Variants in PDE10A observed in about 807,000 individuals in gnomAD.
PDE10A encodes the protein cAMP and cAMP-inhibited cGMP 3',5'-cyclic phosphodiesterase 10A.
Under a neutral mutation model 97.7 loss-of-function variants are expected in PDE10A, and 39 were observed. That is an observed-to-expected ratio of 0.40 (90% CI 0.31 to 0.52). PDE10A has a LOEUF of 0.52. Among genes scored for constraint, PDE10A ranks in the 20% least tolerant of loss-of-function variants. The probability of loss-of-function intolerance (pLI) is 0.56; values close to 1 mark genes in which losing one functional copy is unlikely to be tolerated. For synonymous variants in PDE10A, 371 were observed against 376.8 expected (o/e 0.98, Z 0.18); for missense variants, 731 against 1,047.8 (o/e 0.70, Z 4.17).
In PDE10A at chr6:165,764,669, G is replaced by A. The variant is rs144297643; in HGVS notation, c.-614-221101C>T. The stretch of plus-strand genomic sequence containing the variant: ...TCTGGAGTTGTTCCTTCCTCCTGGC[G>A]GGCTTATAGTCCCACCGGCTCAGGA... On this transcript the variant is annotated intron_variant, in intron 1 of 19. Transcript: ENST00000366882. 3.0e-3 allele frequency among the ~76,000 whole-genome samples: 462 copies of A among 152,230 alleles called. 3 individuals carry two copies. The highest frequency in any genetic ancestry group is 0.011 in the African/African-American group (440 of 41,518).
At chr6:165,859,203 C>A (rs1232744377) in intron 1 of PDE10A, among the ~76,000 whole-genome samples, 1 of 152,188 alleles carries the variant, frequency 6.6e-6, no homozygotes, top group East Asian at 1.9e-4. Flanking sequence ...GAAACTCACG[C>A]CAGGATGAAG....
intron 1 of PDE10A, among the ~76,000 whole-genome samples, chr6:165,844,941 C>T (rs1780369770): frequency 6.6e-6 from 1 of 152,170 alleles, no homozygotes. Flanking sequence ...AACCCTTGGA[C>T]ACACTTTTTG....
intron 1 of PDE10A, among the ~76,000 whole-genome samples, chr6:165,550,039 C>T (rs1783935857): frequency 1.3e-5 from 2 of 152,048 alleles, no homozygotes; most frequent in African/African-American, 4.8e-5. Context: ...CCAGTATATC[C>T]TTCCTCCTCT....
At chr6:165,699,968 A>G (rs1791529726) in intron 1 of PDE10A, among the ~76,000 whole-genome samples, 2 of 152,292 alleles carry the variant, frequency 1.3e-5, no homozygotes, top group Middle Eastern at 6.8e-3. Flanking sequence ...AAAAAGAAGG[A>G]AATTATAGAG....
chr6:165,548,502 T>C (rs1199392723), intron 1 of PDE10A, among the ~76,000 whole-genome samples: 1 of 152,188 alleles, frequency 6.6e-6, no homozygotes, highest in Non-Finnish European at 1.5e-5. Flanking sequence ...TTTCTGACTT[T>C]ATCCCTGTGG....
rs576286999 is a variant in PDE10A, at chr6:165,470,110, C to A, written c.1023+12205G>T. ...AAATACAAAAGGCTTATTTGGCTCA[C>A]GGATCTGCTGGTGAGGGCTTCAGGC... On this transcript the variant is annotated intron_variant, in intron 3 of 21. Transcript: ENST00000539869. 2.0e-5 allele frequency among the ~76,000 whole-genome samples: 3 copies of A among 152,154 alleles called. No homozygotes were observed. In the East Asian group the frequency reaches 5.8e-4, roughly 29 times the overall value.
At chr6:165,590,335 C>T (rs1786176014) in intron 1 of PDE10A, among the ~76,000 whole-genome samples, 1 of 152,170 alleles carries the variant, frequency 6.6e-6, no homozygotes, top group Non-Finnish European at 1.5e-5. Context: ...AATAGCTGGC[C>T]ACACAGCTAG....
intron 1 of PDE10A, among the ~76,000 whole-genome samples, chr6:165,554,898 A>C (rs1337806110): frequency 1.3e-5 from 2 of 152,244 alleles, no homozygotes; most frequent in Non-Finnish European, 2.9e-5. Flanking sequence ...CATTATGTTA[A>C]GTAAAATAAG....
intron 1 of PDE10A, among the ~76,000 whole-genome samples, chr6:165,875,178 G>A (rs561978772): frequency 1.3e-5 from 2 of 152,246 alleles, no homozygotes; most frequent in African/African-American, 4.8e-5. Flanking sequence ...CCCCCAGAGA[G>A]TTGGTTTAGG....
At chr6:165,563,632 G>A (rs1363285593) in intron 1 of PDE10A, among the ~76,000 whole-genome samples, 2 of 152,154 alleles carry the variant, frequency 1.3e-5, no homozygotes, top group Non-Finnish European at 2.9e-5. Flanking sequence ...GCTCACATCT[G>A]TAATCCCAGC....
At chr6:165,690,636 C>T (rs966084390) in intron 1 of PDE10A, among the ~76,000 whole-genome samples, 1 of 152,190 alleles carries the variant, frequency 6.6e-6, no homozygotes, top group East Asian at 1.9e-4. Flanking sequence ...CCTCCTCTCC[C>T]ACACCTGCAG....
chr6:165,612,812 C>T (rs1787559829), intron 1 of PDE10A, among the ~76,000 whole-genome samples: 1 of 152,212 alleles, frequency 6.6e-6, no homozygotes, highest in Admixed American at 6.5e-5. Flanking sequence ...CGTCTCACCA[C>T]ATATCTTTCT....
chr6:165,602,411 G>C (rs542605679), intron 1 of PDE10A, among the ~76,000 whole-genome samples: 27 of 152,264 alleles, frequency 1.8e-4, no homozygotes, highest in African/African-American at 6.3e-4. Context: ...TTCGATTCTA[G>C]AGAAAGAAAT....
chr6:165,940,416 TCAAC>T (rs1783474579), intron 1 of PDE10A: 1 of 152,180 alleles, frequency 6.6e-6, no homozygotes, highest in Admixed American at 6.5e-5. Flanking sequence ...TCAAGGAAAA[TCAAC>T]CAAGACTGTT....
At chr6:165,863,330 T>C (rs2498582) in intron 1 of PDE10A, among the ~76,000 whole-genome samples, 110,228 of 152,194 alleles carry the variant, frequency 0.72, 40,380 homozygotes, top group East Asian at 0.96. Flanking sequence ...CCTCATTTAT[T>C]ATTCTGTGAG....
At chr6:165,720,712 G>A (rs1289957832) in intron 1 of PDE10A, among the ~76,000 whole-genome samples, 1 of 152,166 alleles carries the variant, frequency 6.6e-6, no homozygotes, top group African/African-American at 2.4e-5. Context: ...GAGAAGGCTG[G>A]CCAGGCGTTT....
intron 18 of PDE10A, among the ~76,000 whole-genome samples, chr6:165,376,172 C>T (rs1784591829): frequency 6.6e-6 from 1 of 152,106 alleles, no homozygotes; most frequent in Admixed American, 6.5e-5. Context: ...GAATTGAAAA[C>T]CTTTTGGAAA....
chr6:165,819,265 TC>T lies in PDE10A; in HGVS notation c.-615+168263del, dbSNP rs1449835351. Among the ~76,000 whole-genome samples, 1 of 152,204 alleles carries T rather than the reference TC, an allele frequency of 6.6e-6. No homozygotes were observed. Among genetic ancestry groups the T allele is most frequent in the African/African-American group, 2.4e-5 (1 of 41,448 alleles). ...GGGATGATTTTTGACTCCTGCCCTCTCCGTCCACACGTCAGCAGTTGCCCAG... is the reference window on the plus strand; with the variant it reads ...GGGATGATTTTTGACTCCTGCCCTCTCGTCCACACGTCAGCAGTTGCCCAG... On this transcript the variant is annotated intron_variant, in intron 1 of 19. Transcript: ENST00000366882. The surrounding 1 kb of genome is among the most constrained non-coding windows in gnomAD (Gnocchi z 4.2).
At chr6:165,858,989 T>G (rs1780825507) in intron 1 of PDE10A, among the ~76,000 whole-genome samples, 2 of 152,236 alleles carry the variant, frequency 1.3e-5, no homozygotes, top group Admixed American at 1.3e-4. Context: ...TGTTCATTGT[T>G]CAAGGTAGTT....
Sources: gnomAD v4.1 joint callset for allele counts (sites outside exome capture counted in the v4.1 genomes callset) on GRCh38, gnomAD v4.1.1 for gene constraint, Gnocchi (gnomAD v3.1) non-coding constraint, MANE v1.5 for transcripts, NCBI Gene and HGNC (gene_info 2026-07-23, HGNC 2026-07-21) for gene names.